The following TNFRSF17 variants were observed in gnomAD, a reference collection of about 807,000 sequenced individuals.
TNFRSF17 encodes tumor necrosis factor receptor superfamily member 17.
Under a neutral mutation model 9.9 loss-of-function variants are expected in TNFRSF17, and 13 were observed. That is an observed-to-expected ratio of 1.31 (90% CI 0.85 to 2.08). The LOEUF (loss-of-function observed/expected upper bound fraction) is 2.08, where lower values mean the gene tolerates loss of function less well. TNFRSF17 is among the 30% of genes most tolerant of loss of function. The pLI, the probability that TNFRSF17 is intolerant of heterozygous loss-of-function variation, is 0.00. For synonymous variants in TNFRSF17, 99 were observed against 83.7 expected (o/e 1.18, Z -1.00); for missense variants, 305 against 225.8 (o/e 1.35, Z -2.25).
In TNFRSF17 at chr16:11,966,294, T is replaced by G; in HGVS notation, c.230T>G (p.Leu77Arg). The change falls in exon 2 of 3, where the codon CTA (leucine) becomes CGA (arginine). Residue 77 changes from leucine to arginine, a missense_variant. Leu to Arg is a moderately radical substitution (Grantham distance 102, BLOSUM62 -2). Transcript: ENST00000053243. ...SLAVFVLMFL[L>R]RKINSEPLKD... ...GCAGTTTTCGTGCTAATGTTTTTGCTAAGGAAGATAAACTCTGAACCATTA... is the reference window on the plus strand; with the variant it reads ...GCAGTTTTCGTGCTAATGTTTTTGCGAAGGAAGATAAACTCTGAACCATTA... The G allele has an allele frequency of 6.2e-7, 1 of 1,614,080 alleles. No homozygotes were observed. Among genetic ancestry groups the G allele is most frequent in the South Asian group, 1.1e-5 (1 of 91,076 alleles).
At chr16:11,966,396 T>C in intron 2 of TNFRSF17, 55 bp downstream of exon 2, 1 of 1,544,948 alleles carries the variant, frequency 6.5e-7, no homozygotes. Flanking sequence ...CTATTGTGAG[T>C]TTCAGTTCCT....
In TNFRSF17 at chr16:11,967,660, T is replaced by G. The variant is rs1225683758; in HGVS notation, c.368T>G (p.Val123Gly). 3 of 1,614,034 alleles carry G rather than the reference T, an allele frequency of 1.9e-6. No homozygotes were observed. The African/African-American group carries it at 4.0e-5, about 22-fold the overall frequency. The stretch of plus-strand genomic sequence containing the variant: ...CTTCCGAGAGGCCTCGAGTACACGG[T>G]GGAAGAATGCACCTGTGAAGACTGC... ...IILPRGLEYT[V>G]EECTCEDCIK... Residue 123 changes from valine to glycine, a missense_variant, in exon 3 of 3, where the codon GTG becomes GGG. Coordinates refer to ENST00000053243, the MANE Select transcript of TNFRSF17 (RefSeq NM_001192.3).
At chr16:11,965,514 G>A (rs1350494957) in intron 1 of TNFRSF17, 60 bp downstream of exon 1, 7 of 1,536,904 alleles carry the variant, frequency 4.6e-6, no homozygotes, top group Admixed American at 1.8e-5. Flanking sequence ...TATATGGACT[G>A]CTTATTCAGA....
intron 2 of TNFRSF17, 64 bp downstream of exon 2, chr16:11,966,405 C>T: frequency 2.0e-6 from 3 of 1,527,476 alleles, no homozygotes; most frequent in East Asian, 2.3e-5. Context: ...GTTTCAGTTC[C>T]TTTTCTTTTT....
intron 2 of TNFRSF17, chr16:11,967,293 G>A: frequency 5.2e-6 from 2 of 386,658 alleles, no homozygotes; most frequent in Admixed American, 4.3e-5. Flanking sequence ...TGAGCCACAG[G>A]GCCCAGCACA....
intron 2 of TNFRSF17, among the ~76,000 whole-genome samples, chr16:11,966,740 G>C (rs2055197195): frequency 6.6e-6 from 1 of 152,112 alleles, no homozygotes; most frequent in South Asian, 2.1e-4. Flanking sequence ...TACAAATATA[G>C]GTGTTCTTTG....
chr16:11,968,015 A>C lies in TNFRSF17; in HGVS notation c.*168A>C. On this transcript the variant is annotated 3_prime_UTR_variant, in exon 3 of 3. Transcript: ENST00000053243. ...TATATTTCTCTAGGTTACTGTTGGGAGCTTAATGGTAGAAACTTCCTTGGT... is the reference window on the plus strand; with the variant it reads ...TATATTTCTCTAGGTTACTGTTGGGCGCTTAATGGTAGAAACTTCCTTGGT... 1 of 740,990 alleles carries C rather than the reference A, an allele frequency of 1.3e-6. No individual in the cohort carries two copies. 45.9% of individuals were successfully genotyped at this position (740,990 alleles called of 1,614,324 possible).
rs771330300 is a variant in TNFRSF17 at position 11,965,452 on chromosome 16, CAAGT to C, written c.130+5_130+8del. 30 of 1,613,866 alleles carry C rather than the reference CAAGT, an allele frequency of 1.9e-5. No homozygotes were observed. The highest frequency in any genetic ancestry group is 1.6e-4 in the East Asian group (7 of 44,896). On this transcript the variant is annotated splice_donor_variant and coding_sequence_variant, in exon 1 of 3. Coordinates refer to ENST00000053243, the MANE Select transcript of TNFRSF17 (RefSeq NM_001192.3). LOFTEE classifies it high-confidence loss of function. ...CTAACATGTCAGCGTTATTGTAATG[CAAGT>C]AAGTAATATTGCTTGAACGATTATT...
rs1325420852 is a variant in TNFRSF17, at chr16:11,965,534, T to C, written c.130+80T>C. 2.1e-6 allele frequency: 3 copies of C among 1,423,856 alleles called. No individual in the cohort carries two copies. In the South Asian group the frequency reaches 4.0e-5, roughly 19 times the overall value. The allele number at this position is 1,423,856 out of a possible 1,614,324, so 88.2% of individuals were successfully genotyped here. On this transcript the variant is annotated intron_variant, in intron 1 of 2. Transcript: ENST00000053243. ...GGACTGCTTATTCAGAGAATCAACA[T>C]AATGGGCATGATGGTGAGTTTTCTT...
rs1056872304 is a variant in TNFRSF17, at chr16:11,966,452, G to T, written c.277+111G>T. ...TATTTCACTTCGTTACAGCCCTTTC[G>T]AATGTGTTAGAACATTGTTACATTA... On this transcript the variant is annotated intron_variant, in intron 2 of 2. Coordinates refer to ENST00000053243, the MANE Select transcript of TNFRSF17 (RefSeq NM_001192.3). 4.9e-5 allele frequency: 54 copies of T among 1,100,628 alleles called. No homozygotes were observed. The Middle Eastern group carries it at 8.7e-4, about 18-fold the overall frequency. The allele number at this position is 1,100,628 out of a possible 1,614,324, so 68.2% of individuals were successfully genotyped here. A position where few individuals can be genotyped will look rare whatever the true frequency, so the allele number is the denominator to read the frequency against.
At chr16:11,966,120 A>G in intron 1 of TNFRSF17, 75 bp from the exon 2 acceptor site, 1 of 1,426,102 alleles carries the variant, frequency 7.0e-7, no homozygotes, top group Non-Finnish European at 9.5e-7. Context: ...CAAAATAAAT[A>G]AATAAATAAT....
Position 11,966,346 on chromosome 16 carries a change from G to A in TNFRSF17, c.277+5G>A. 1 of 1,606,198 alleles carries A rather than the reference G, an allele frequency of 6.2e-7. No individual in the cohort carries two copies. The highest frequency in any genetic ancestry group is 2.2e-5 in the East Asian group (1 of 44,726). On this transcript the variant is annotated splice_donor_5th_base_variant and intron_variant, in intron 2 of 2. Transcript: ENST00000053243. ...AGGACGAGTTTAAAAACACAGGTTG[G>A]TTTGATGGTGAATCTTTGAAATCTA...
intron 1 of TNFRSF17, among the ~76,000 whole-genome samples, 177 bp from the exon 2 acceptor site, chr16:11,966,018 G>C (rs1313022210): frequency 6.6e-6 from 1 of 152,140 alleles, no homozygotes; most frequent in Non-Finnish European, 1.5e-5. Context: ...GGCTGAGGCA[G>C]GAGAATTGTT....
chr16:11,967,640 G>C lies in TNFRSF17; in HGVS notation c.348G>C (p.Pro116=), dbSNP rs768234958. Residue 116 remains proline, a synonymous_variant, in exon 3 of 3, where the codon CCG becomes CCC. Coordinates refer to ENST00000053243, the MANE Select transcript of TNFRSF17 (RefSeq NM_001192.3). ...GGACTGGTGATGAAATTATTCTTCC[G>C]AGAGGCCTCGAGTACACGGTGGAAG... The part of the protein sequence containing the change: ...KSRTGDEIIL[P]RGLEYTVEEC... The C allele has an allele frequency of 4.3e-6, 7 of 1,614,008 alleles. No homozygotes were observed. The highest frequency in any genetic ancestry group is 2.7e-5 in the African/African-American group (2 of 74,914).
In TNFRSF17 at chr16:11,965,455, G is replaced by A; in HGVS notation, c.130+1G>A. The stretch of plus-strand genomic sequence containing the variant: ...ACATGTCAGCGTTATTGTAATGCAA[G>A]TAAGTAATATTGCTTGAACGATTAT... On this transcript the variant is annotated splice_donor_variant, in intron 1 of 2. Transcript: ENST00000053243. LOFTEE classifies it high-confidence loss of function. The A allele has an allele frequency of 1.2e-6, 2 of 1,613,856 alleles. No homozygotes were observed. Among genetic ancestry groups the A allele is most frequent in the South Asian group, 1.1e-5 (1 of 91,038 alleles).
At position 11,967,575 on chromosome 16, in the gene TNFRSF17, G is replaced by C; in HGVS notation, c.283G>C (p.Gly95Arg). 6.2e-7 allele frequency: 1 copy of C among 1,611,600 alleles called. No individual in the cohort carries two copies. The highest frequency in any genetic ancestry group is 8.5e-7 in the Non-Finnish European group (1 of 1,178,164). ...LKDEFKNTGS[G>R]LLGMANIDLE... The stretch of plus-strand genomic sequence containing the variant: ...TTCCGTTTCTACATAATTAGGATCA[G>C]GTCTCCTGGGCATGGCTAACATTGA... The change falls in exon 3 of 3, where the codon GGT becomes CGT. Residue 95 changes from glycine (G) to arginine (R), a missense_variant. Transcript: ENST00000053243.
At position 11,965,420 on chromosome 16, in the gene TNFRSF17, T is replaced by A; in HGVS notation, c.96T>A (p.Thr32=). 1 of 1,614,024 alleles carries A rather than the reference T, an allele frequency of 6.2e-7. No homozygotes were observed. Among genetic ancestry groups the A allele is most frequent in the Non-Finnish European group, 8.5e-7 (1 of 1,179,936 alleles). ...IPCQLRCSSN[T]PPLTCQRYCN... ...GTCAACTTCGATGTTCTTCTAATAC[T>A]CCTCCTCTAACATGTCAGCGTTATT... The change falls in exon 1 of 3, where the codon ACT becomes ACA. Residue 32 remains threonine (T), a synonymous_variant. Coordinates refer to ENST00000053243, the MANE Select transcript of TNFRSF17 (RefSeq NM_001192.3).
At chr16:11,966,067 C>G in intron 1 of TNFRSF17, 128 bp from the exon 2 acceptor site, 1 of 868,364 alleles carries the variant, frequency 1.2e-6, no homozygotes, top group South Asian at 2.6e-5. Flanking sequence ...GCCGAGATCG[C>G]GCCACTGCAC....
Position 11,966,312 on chromosome 16 carries a change from A to C in TNFRSF17, c.248A>C (p.Glu83Ala), listed in dbSNP as rs1257164580. Residue 83 changes from glutamate (E) to alanine (A), a missense_variant, in exon 2 of 3, where the codon GAA (glutamate) becomes GCA (alanine). Transcript: ENST00000053243. ...LMFLLRKINS[E>A]PLKDEFKNTG... ...TTTTTGCTAAGGAAGATAAACTCTGAACCATTAAAGGACGAGTTTAAAAAC... is the reference window on the plus strand; with the variant it reads ...TTTTTGCTAAGGAAGATAAACTCTGCACCATTAAAGGACGAGTTTAAAAAC... 1.2e-6 allele frequency: 2 copies of C among 1,613,554 alleles called. No homozygotes were observed. Among genetic ancestry groups the C allele is most frequent in the Non-Finnish European group, 1.7e-6 (2 of 1,179,784 alleles).
Sources: gnomAD v4.1 joint callset for allele counts (sites outside exome capture counted in the v4.1 genomes callset) on GRCh38, gnomAD v4.1.1 for gene constraint, MANE v1.5 for transcripts, NCBI Gene and HGNC (gene_info 2026-07-23, HGNC 2026-07-21) for gene names.